The following SYK variants were observed in gnomAD, a reference collection of about 807,000 sequenced individuals.
SYK encodes tyrosine-protein kinase SYK.
SYK carries 16 observed loss-of-function variants against 77.8 expected under a neutral mutation model. The ratio of observed to expected loss-of-function variants is 0.21; its 90% CI spans 0.14 to 0.31. SYK has a LOEUF of 0.31. SYK is among the 10% of genes least tolerant of loss of function. SYK has a pLI of 1.00. For synonymous variants in SYK, 312 were observed against 308.7 expected, an observed-to-expected ratio of 1.01 and a Z score of -0.11; for missense variants, 529 against 814.4, an observed-to-expected ratio of 0.65 and a Z score of 4.26.
intron 1 of SYK, among the ~76,000 whole-genome samples, chr9:90,806,314 A>T (rs1824832868): frequency 6.6e-6 from 1 of 151,968 alleles, no homozygotes; most frequent in South Asian, 2.1e-4. Context: ...TTCTTGTCTA[A>T]CAGTTGCTCT....
chr9:90,828,239 CCCCCCCCG>C (rs1825738202), intron 1 of SYK, among the ~76,000 whole-genome samples: 1 of 95,218 alleles, frequency 1.1e-5, no homozygotes, highest in South Asian at 7.0e-4. Flanking sequence ...ACCCCCGCCC[CCCCCCCCG>C]CCCCGCCCAG....
At chr9:90,841,559 AGT>A (rs1385887706) in intron 1 of SYK, among the ~76,000 whole-genome samples, 3 of 70,220 alleles carry the variant, frequency 4.3e-5, no homozygotes, top group Admixed American at 1.3e-4. Flanking sequence ...TGTGTGGTGT[AGT>A]GTGTGTGATG....
At chr9:90,894,555 T>C (rs759525186) in intron 13 of SYK, among the ~76,000 whole-genome samples, 13 of 152,244 alleles carry the variant, frequency 8.5e-5, no homozygotes, top group South Asian at 2.1e-4. Flanking sequence ...ATGGCTGTTC[T>C]CTTGTGTCGA....
intron 1 of SYK, among the ~76,000 whole-genome samples, chr9:90,841,723 CTG>C (rs1327397082): frequency 5.1e-5 from 7 of 137,848 alleles, no homozygotes; most frequent in African/African-American, 8.3e-5. Context: ...GTAGTGTGTA[CTG>C]TGTGTGGTGT....
chr9:90,858,135 G>C lies in SYK; in HGVS notation c.579-4071G>C, dbSNP rs546889220. On this transcript the variant is annotated intron_variant, in intron 3 of 13. Coordinates refer to ENST00000375754, the MANE Select transcript of SYK (RefSeq NM_003177.7). ...ACCTCTGTATATTCTCTCTCCCCTA[G>C]GAGGGTGCAGGAGAGTAGAGGAGTC... 2.8e-4 allele frequency among the ~76,000 whole-genome samples: 42 copies of C among 152,210 alleles called. 2 individuals are homozygous for C. Among genetic ancestry groups the C allele is most frequent in the African/African-American group, 9.6e-4 (40 of 41,528 alleles).
intron 1 of SYK, among the ~76,000 whole-genome samples, chr9:90,832,938 T>A (rs564806822): frequency 2.0e-5 from 3 of 152,326 alleles, no homozygotes; most frequent in Admixed American, 6.5e-5. Context: ...GAAGGCTTGA[T>A]AGAGGCTGGA....
At chr9:90,851,747 A>C (rs536679883) in intron 3 of SYK, among the ~76,000 whole-genome samples, 1 of 152,220 alleles carries the variant, frequency 6.6e-6, no homozygotes, top group Non-Finnish European at 1.5e-5. Flanking sequence ...TGAAAAATGA[A>C]TTTGTTAGGA....
At chr9:90,827,035 C>T (rs150045810) in intron 1 of SYK, among the ~76,000 whole-genome samples, 1 of 152,104 alleles carries the variant, frequency 6.6e-6, no homozygotes, top group East Asian at 1.9e-4. Context: ...GGATGCTCTT[C>T]CTATTTGGTT....
chr9:90,828,543 G>A (rs1013807210), intron 1 of SYK, among the ~76,000 whole-genome samples: 6 of 152,014 alleles, frequency 3.9e-5, no homozygotes, highest in African/African-American at 4.8e-5. Flanking sequence ...GTCAATATGC[G>A]CCCCACACCG....
intron 11 of SYK, among the ~76,000 whole-genome samples, chr9:90,880,388 A>G (rs984278782): frequency 1.4e-4 from 22 of 152,164 alleles, no homozygotes; most frequent in African/African-American, 5.3e-4. Flanking sequence ...CATTCTTCAT[A>G]CAGTAGCTTC....
Position 90,850,301 on chromosome 9 carries a change from A to G in SYK, c.578+4707A>G, listed in dbSNP as rs1253319401. ...TGGGAGGCTGAGGCGGGCAATCACA[A>G]GGTCTAGAGATCAAGACCATCCTGG... On this transcript the variant is annotated intron_variant, in intron 3 of 13. Coordinates refer to ENST00000375754, the MANE Select transcript of SYK (RefSeq NM_003177.7). Among the ~76,000 whole-genome samples, 3 of 152,164 alleles carry G rather than the reference A, an allele frequency of 2.0e-5. No individual in the cohort carries two copies. In the East Asian group the frequency reaches 5.8e-4, roughly 29 times the overall value.
chr9:90,884,292 T>TACAC (rs1828320089), intron 11 of SYK, among the ~76,000 whole-genome samples: 3 of 150,926 alleles, frequency 2.0e-5, no homozygotes, highest in African/African-American at 2.4e-5. Context: ...CATATACACA[T>TACAC]ACGTGTATAT....
chr9:90,849,908 G>A (rs142536415), intron 3 of SYK, among the ~76,000 whole-genome samples: 5 of 152,344 alleles, frequency 3.3e-5, no homozygotes, highest in South Asian at 2.1e-4. Context: ...GGCACCGAAC[G>A]AAGCAGCTTC....
In SYK at chr9:90,895,650, G is replaced by A. The variant is rs1587934828; in HGVS notation, c.*50G>A. The A allele has an allele frequency of 6.5e-7, 1 of 1,546,440 alleles. No individual in the cohort carries two copies. The highest frequency in any genetic ancestry group is 8.9e-7 in the Non-Finnish European group (1 of 1,119,548). Reference sequence around the variant, plus strand: ...GCCTTTGATCACAGGAGCAATCACAGGAAAATGTATCCAGAGGAATTGATT... The same window carrying A: ...GCCTTTGATCACAGGAGCAATCACAAGAAAATGTATCCAGAGGAATTGATT... On this transcript the variant is annotated 3_prime_UTR_variant, in exon 14 of 14. Transcript: ENST00000375754. The surrounding 1 kb of genome is among the most constrained non-coding windows in gnomAD (Gnocchi z 4.4).
chr9:90,874,476 T>C (rs1028317740), intron 8 of SYK, among the ~76,000 whole-genome samples, 185 bp downstream of exon 8: 2 of 152,214 alleles, frequency 1.3e-5, no homozygotes, highest in Non-Finnish European at 2.9e-5. Context: ...GTGATGGTGC[T>C]ATTGAATGAA....
intron 11 of SYK, among the ~76,000 whole-genome samples, chr9:90,884,308 CACATAT>C (rs1240217304): frequency 7.9e-6 from 1 of 126,546 alleles, no homozygotes; most frequent in Non-Finnish European, 1.8e-5. Flanking sequence ...TATATATACA[CACATAT>C]ACACATACAC....
At chr9:90,870,109 A>AAAAAG (rs527739463) in intron 7 of SYK, among the ~76,000 whole-genome samples, 33 of 152,346 alleles carry the variant, frequency 2.2e-4, no homozygotes, top group African/African-American at 6.5e-4. Flanking sequence ...TCAAAAACAA[A>AAAAAG]AAAAGAAAAG....
intron 11 of SYK, among the ~76,000 whole-genome samples, chr9:90,882,458 T>C (rs912203350): frequency 6.6e-6 from 1 of 152,150 alleles, no homozygotes; most frequent in Non-Finnish European, 1.5e-5. Context: ...CTCACACAGG[T>C]GACATCAGCA....
chr9:90,836,240 T>C (rs1351533328), intron 1 of SYK, among the ~76,000 whole-genome samples: 1 of 150,926 alleles, frequency 6.6e-6, no homozygotes, highest in African/African-American at 2.4e-5. Flanking sequence ...TGAGCCGAGA[T>C]TGTGCCACTG....
Sources: allele counts gnomAD v4.1 joint callset (sites outside exome capture counted in the v4.1 genomes callset), GRCh38; gene constraint gnomAD v4.1.1; non-coding constraint Gnocchi (gnomAD v3.1); transcripts MANE v1.5; gene names NCBI Gene and HGNC (gene_info 2026-07-23, HGNC 2026-07-21).